Variants in ADAMTS6 observed in about 807,000 individuals in gnomAD.
The protein encoded by ADAMTS6 is A disintegrin and metalloproteinase with thrombospondin motifs 6.
Under a neutral mutation model 144.3 loss-of-function variants are expected in ADAMTS6, and 23 were observed. That is an observed-to-expected ratio of 0.16 (90% confidence interval 0.11 to 0.23). ADAMTS6 has a LOEUF of 0.23. Ranked by LOEUF, ADAMTS6 falls within the 10% of genes least tolerant of loss-of-function variation. The pLI is 1.00. For missense variants in ADAMTS6, 999 were observed against 1,379.6 expected (o/e 0.72, Z 4.37); for synonymous variants, 444 against 457.5 (o/e 0.97, Z 0.38).
intron 14 of ADAMTS6, among the ~76,000 whole-genome samples, chr5:65,257,166 G>A (rs1760753990): frequency 6.6e-6 from 1 of 151,564 alleles, no homozygotes; most frequent in Admixed American, 6.6e-5. Flanking sequence ...CCTGTTCACA[G>A]TATTACCCTA....
At chr5:65,394,719 C>G (rs1393192059) in intron 7 of ADAMTS6, among the ~76,000 whole-genome samples, 1 of 152,082 alleles carries the variant, frequency 6.6e-6, no homozygotes, top group African/African-American at 2.4e-5. Flanking sequence ...AGGAAAAAAT[C>G]CATGATGCAT....
chr5:65,153,720 G>A (rs1050789375), intron 24 of ADAMTS6, among the ~76,000 whole-genome samples: 9 of 152,244 alleles, frequency 5.9e-5, no homozygotes, highest in African/African-American at 2.2e-4. Context: ...AAAACAAAGT[G>A]GAGTATTTCC....
chr5:65,161,672 C>T (rs1561234161), intron 24 of ADAMTS6, among the ~76,000 whole-genome samples: 1 of 152,014 alleles, frequency 6.6e-6, no homozygotes, highest in Non-Finnish European at 1.5e-5. Context: ...TTAAATTTTC[C>T]ATAATAAATA....
chr5:65,301,734 A>G (rs928415559), intron 9 of ADAMTS6, among the ~76,000 whole-genome samples: 5 of 152,154 alleles, frequency 3.3e-5, no homozygotes, highest in Non-Finnish European at 7.4e-5. Flanking sequence ...CATGCTTAGG[A>G]AGCACAATGA....
At chr5:65,224,729 T>C (rs1339071457) in intron 17 of ADAMTS6, among the ~76,000 whole-genome samples, 195 bp downstream of exon 17, 1 of 152,198 alleles carries the variant, frequency 6.6e-6, no homozygotes, top group Non-Finnish European at 1.5e-5. Flanking sequence ...TGAAGTTAAG[T>C]AGAGAGAGAG....
chr5:65,474,246 A>T (rs1760677808), intron 1 of ADAMTS6, among the ~76,000 whole-genome samples: 1 of 152,150 alleles, frequency 6.6e-6, no homozygotes, highest in African/African-American at 2.4e-5. Context: ...CAATGAGTTA[A>T]CTTCCTTTTG....
intron 15 of ADAMTS6, among the ~76,000 whole-genome samples, chr5:65,230,091 A>T (rs1160725776): frequency 2.0e-5 from 3 of 151,886 alleles, no homozygotes; most frequent in Non-Finnish European, 4.4e-5. Flanking sequence ...GAAGAGGCTG[A>T]TAGCTACACT....
chr5:65,321,602 G>A (rs888759204), intron 9 of ADAMTS6, among the ~76,000 whole-genome samples: 3 of 150,786 alleles, frequency 2.0e-5, no homozygotes, highest in Non-Finnish European at 4.4e-5. Context: ...TCTTTATCAT[G>A]AAATCTTTGC....
At chr5:65,260,561 G>A (rs939607206) in intron 14 of ADAMTS6, 39 bp downstream of exon 14, 25 of 1,578,378 alleles carry the variant, frequency 1.6e-5, no homozygotes, top group Non-Finnish European at 2.0e-5. Context: ...TAGGGAAAGA[G>A]TAAGCTAATT....
chr5:65,461,509 T>C (rs747143525), intron 3 of ADAMTS6, among the ~76,000 whole-genome samples: 1 of 152,232 alleles, frequency 6.6e-6, no homozygotes, highest in Non-Finnish European at 1.5e-5. Context: ...TGTCTAATAG[T>C]GTTTTCCTAA....
At chr5:65,332,196 A>G (rs1448405467) in intron 8 of ADAMTS6, among the ~76,000 whole-genome samples, 1 of 150,956 alleles carries the variant, frequency 6.6e-6, no homozygotes, top group Non-Finnish European at 1.5e-5. Flanking sequence ...GTTGGTGCAA[A>G]GTAATTTGCA....
intron 15 of ADAMTS6, among the ~76,000 whole-genome samples, chr5:65,230,063 C>T (rs1250882575): frequency 6.6e-6 from 1 of 151,814 alleles, no homozygotes; most frequent in South Asian, 2.1e-4. Context: ...GATTTCTCAG[C>T]AGAATCCCTG....
At chr5:65,287,385 T>G (rs1741782974) in intron 11 of ADAMTS6, among the ~76,000 whole-genome samples, 1 of 152,208 alleles carries the variant, frequency 6.6e-6, no homozygotes, top group Non-Finnish European at 1.5e-5. Flanking sequence ...TACCTGTGTT[T>G]CATTAACATA....
intron 5 of ADAMTS6, among the ~76,000 whole-genome samples, chr5:65,452,429 A>G (rs1319868713): frequency 3.3e-5 from 5 of 150,974 alleles, no homozygotes; most frequent in Non-Finnish European, 2.9e-5. Context: ...GAACTACAGC[A>G]TGGAAATTAG....
intron 10 of ADAMTS6, among the ~76,000 whole-genome samples, chr5:65,299,745 T>G (rs1185666183): frequency 6.6e-6 from 1 of 152,132 alleles, no homozygotes; most frequent in Non-Finnish European, 1.5e-5. Flanking sequence ...ATTAAACAAT[T>G]GTAACACTCA....
At chr5:65,199,800 G>A (rs1229241504) in intron 20 of ADAMTS6, among the ~76,000 whole-genome samples, 1 of 152,098 alleles carries the variant, frequency 6.6e-6, no homozygotes, top group African/African-American at 2.4e-5. Context: ...TATAAACACA[G>A]TATCTCTTGG....
At chr5:65,436,330 A>G (rs1244187833) in intron 7 of ADAMTS6, among the ~76,000 whole-genome samples, 2 of 152,108 alleles carry the variant, frequency 1.3e-5, no homozygotes, top group African/African-American at 4.8e-5. Context: ...AAAAAGCCCA[A>G]TTAAAGGATT....
At chr5:65,269,426 A>G (rs1042821187) in intron 12 of ADAMTS6, among the ~76,000 whole-genome samples, 4 of 152,200 alleles carry the variant, frequency 2.6e-5, no homozygotes, top group African/African-American at 9.6e-5. Flanking sequence ...TAGAAAAATG[A>G]AAAATCTGTT....
chr5:65,334,544 C>A (rs1320646852), intron 7 of ADAMTS6, among the ~76,000 whole-genome samples: 1 of 152,022 alleles, frequency 6.6e-6, no homozygotes, highest in Non-Finnish European at 1.5e-5. Context: ...TTAACTCTAG[C>A]ACAGGTTCTT....
Sources: gnomAD v4.1 joint callset for allele counts (sites outside exome capture counted in the v4.1 genomes callset) on GRCh38, gnomAD v4.1.1 for gene constraint, MANE v1.5 for transcripts, NCBI Gene and HGNC (gene_info 2026-07-23, HGNC 2026-07-21) for gene names.